The following CYRIB variants were observed in gnomAD, a reference collection of about 807,000 sequenced individuals.
CYRIB encodes CYFIP related Rac1 interactor B, also known as CYFIP-related Rac1 interactor B.
In CYRIB, 8 loss-of-function variants were observed where a neutral mutation model predicts 44.2. The ratio of observed to expected loss-of-function variants is 0.18; its 90% CI spans 0.11 to 0.33. The LOEUF is 0.33. Among genes scored for constraint, CYRIB ranks in the 10% least tolerant of loss-of-function variants. The pLI, the probability that CYRIB is intolerant of heterozygous loss-of-function variation, is 1.00. For synonymous variants in CYRIB, 131 were observed against 127.2 expected (o/e 1.03, Z -0.20); for missense variants, 185 against 382.8 (o/e 0.48, Z 4.31).
At position 129,878,735 on chromosome 8, in the gene CYRIB, T is replaced by C. The variant is rs574053189; in HGVS notation, c.73+654A>G. 2.6e-5 allele frequency among the ~76,000 whole-genome samples: 4 copies of C among 152,314 alleles called. No individual in the cohort carries two copies. The South Asian group carries it at 8.3e-4, about 32-fold the overall frequency. On this transcript the variant is annotated intron_variant, in intron 3 of 11. Transcript: ENST00000519824. ...ACTTACCTGCCACTCTTAGACCATA[T>C]TACAATAGGTCATGCAACATAAAAC... is the stretch of plus-strand genomic sequence containing the variant.
chr8:129,877,285 T>C (rs941832895), intron 3 of CYRIB, among the ~76,000 whole-genome samples: 1 of 152,230 alleles, frequency 6.6e-6, no homozygotes, highest in Non-Finnish European at 1.5e-5. Flanking sequence ...TAACATTTTA[T>C]ATGTATTTCT....
chr8:130,002,826 G>A (rs1043755507), intron 1 of CYRIB, among the ~76,000 whole-genome samples: 3 of 152,080 alleles, frequency 2.0e-5, no homozygotes, highest in South Asian at 2.1e-4. Context: ...AGCCAGGTGC[G>A]GTGGCCCACG....
intron 2 of CYRIB, among the ~76,000 whole-genome samples, chr8:129,962,776 TC>T (rs1434435080): frequency 6.6e-6 from 1 of 152,222 alleles, no homozygotes; most frequent in East Asian, 1.9e-4. Context: ...TGCTCATTCA[TC>T]TGTTAATTCA....
intron 2 of CYRIB, among the ~76,000 whole-genome samples, chr8:129,898,010 C>T (rs1263725797): frequency 2.0e-5 from 3 of 151,974 alleles, no homozygotes; most frequent in South Asian, 2.1e-4. Context: ...GTGATCCACC[C>T]GCCTCGGCCT....
rs192516708 is a variant in CYRIB at position 129,935,842 on chromosome 8, A to G, written c.-50+3766T>C. Among the ~76,000 whole-genome samples the G allele has an allele frequency of 5.1e-4, 78 of 152,314 alleles. No homozygotes were observed. In the Middle Eastern group the frequency reaches 0.01, roughly 20 times the overall value. On this transcript the variant is annotated intron_variant, in intron 1 of 11. Transcript: ENST00000519824. Reference sequence around the variant, plus strand: ...TCTTCTACTTCAACAAAATCACACAATATCTTTGAAAGTAGTCATTCTGAC... The same window carrying G: ...TCTTCTACTTCAACAAAATCACACAGTATCTTTGAAAGTAGTCATTCTGAC...
At chr8:130,015,441 G>A (rs898682299) in intron 1 of CYRIB, among the ~76,000 whole-genome samples, 75 of 152,290 alleles carry the variant, frequency 4.9e-4, no homozygotes, top group African/African-American at 1.8e-3. Context: ...GACTCAGAGA[G>A]GGTAAGCGAC....
At chr8:129,952,677 G>A (rs1336471153) in intron 2 of CYRIB, among the ~76,000 whole-genome samples, 1 of 152,148 alleles carries the variant, frequency 6.6e-6, no homozygotes, top group African/African-American at 2.4e-5. Context: ...AAGTGGCCAA[G>A]GGAGAGAACC....
chr8:129,895,676 A>G (rs1161073660), intron 2 of CYRIB, among the ~76,000 whole-genome samples: 1 of 152,158 alleles, frequency 6.6e-6, no homozygotes, highest in Non-Finnish European at 1.5e-5. Flanking sequence ...TCCTGAGATC[A>G]AGTCTGCTTG....
At chr8:129,937,387 T>C (rs372194852) in intron 1 of CYRIB, among the ~76,000 whole-genome samples, 13 of 152,324 alleles carry the variant, frequency 8.5e-5, no homozygotes, top group African/African-American at 1.9e-4. Flanking sequence ...TCTTCCCCCA[T>C]GGAGACTAGG....
At chr8:129,871,105 A>C (rs577115062) in intron 4 of CYRIB, among the ~76,000 whole-genome samples, 1 of 152,322 alleles carries the variant, frequency 6.6e-6, no homozygotes, top group African/African-American at 2.4e-5. Context: ...CCTAGGAAGC[A>C]CCACATAAAT....
upstream of CYRIB, among the ~76,000 whole-genome samples, chr8:129,943,838 A>T (rs2093935287): frequency 6.8e-6 from 1 of 147,044 alleles, no homozygotes; most frequent in African/African-American, 2.5e-5. Context: ...TGACCACGTG[A>T]TCCGCCCGCC....
At chr8:129,952,298 T>G (rs1469168484) in intron 2 of CYRIB, among the ~76,000 whole-genome samples, 1 of 152,142 alleles carries the variant, frequency 6.6e-6, no homozygotes, top group African/African-American at 2.4e-5. Flanking sequence ...CGACCTCAGG[T>G]GATCTGCCCA....
chr8:129,910,551 G>A lies in CYRIB; in HGVS notation c.-49-7201C>T, dbSNP rs76595640. Among the ~76,000 whole-genome samples the A allele has an allele frequency of 5.0e-3, 700 of 141,128 alleles. 6 individuals are homozygous for A. The highest frequency in any genetic ancestry group is 0.021 in the Admixed American group (267 of 12,874). 92.6% of individuals were successfully genotyped at this position (141,128 alleles called of 152,430 possible). A position where few individuals can be genotyped will look rare whatever the true frequency, so the allele number is the denominator to read the frequency against. ...AATGGTTCCTGCCTATAATTCCAAC[G>A]CTTCAGGAAGCTGAGGTGGGAGGAT... On this transcript the variant is annotated intron_variant, in intron 1 of 11. Coordinates refer to ENST00000519824, the Ensembl canonical transcript of CYRIB.
rs1005596709 is a variant in CYRIB at position 130,007,990 on chromosome 8, T to C, written c.-296+8380A>G. 6.6e-5 allele frequency among the ~76,000 whole-genome samples: 10 copies of C among 152,152 alleles called. No individual in the cohort carries two copies. In the East Asian group the frequency reaches 1.4e-3, roughly 21 times the overall value. ...TTAGGAGGCCGAGGCGGCCAGATCA[T>C]CTGAGGTCAGGTGTTCAAGACTGGC... On this transcript the variant is annotated intron_variant, in intron 1 of 14. Coordinates refer to the CYRIB transcript ENST00000401979.
upstream of CYRIB, among the ~76,000 whole-genome samples, chr8:129,943,387 G>C (rs1590770183): frequency 1.3e-5 from 2 of 150,980 alleles, no homozygotes; most frequent in South Asian, 4.2e-4. Flanking sequence ...AGGAGTTCGA[G>C]ATGGCCTAAC....
At chr8:129,917,537 T>A (rs2081356008) in intron 1 of CYRIB, among the ~76,000 whole-genome samples, 1 of 152,082 alleles carries the variant, frequency 6.6e-6, no homozygotes, top group South Asian at 2.1e-4. Context: ...CTGACTCAAT[T>A]CTTAAAAAAA....
chr8:129,908,478 A>G (rs2076533176), intron 1 of CYRIB, among the ~76,000 whole-genome samples: 1 of 152,196 alleles, frequency 6.6e-6, no homozygotes. Flanking sequence ...TATTTGTAAA[A>G]TGCAGATTTT....
At chr8:129,927,789 G>A (rs2088788905) in intron 1 of CYRIB, among the ~76,000 whole-genome samples, 1 of 152,100 alleles carries the variant, frequency 6.6e-6, no homozygotes, top group East Asian at 1.9e-4. Context: ...AAGCCATGTG[G>A]TACTAGCAGA....
At chr8:129,843,534 C>A (rs915366454) in intron 11 of CYRIB, among the ~76,000 whole-genome samples, 18 of 152,208 alleles carry the variant, frequency 1.2e-4, no homozygotes, top group African/African-American at 4.3e-4. Context: ...ACAGAGAAAT[C>A]TGGTTCACAA....
Sources: allele counts gnomAD v4.1 joint callset (sites outside exome capture counted in the v4.1 genomes callset), GRCh38; gene constraint gnomAD v4.1.1; transcripts MANE v1.5; gene names NCBI Gene and HGNC (gene_info 2026-07-23, HGNC 2026-07-21).